Variants in SETD6 observed in about 807,000 individuals in gnomAD.
SETD6 encodes N-lysine methyltransferase SETD6.
In SETD6, 67 loss-of-function variants were observed where a neutral mutation model predicts 52.7. The ratio of observed to expected loss-of-function variants is 1.27; its 90% CI spans 1.04 to 1.56. The LOEUF is 1.56. SETD6 is among the 40% of genes most tolerant of loss of function. SETD6 has a pLI of 0.00. For missense variants in SETD6, 712 were observed against 607.5 expected (o/e 1.17, Z -1.81); for synonymous variants, 307 against 250.2 (o/e 1.23, Z -2.14).
Position 58,519,037 on chromosome 16 carries a change from CCT to C in SETD6, c.*9_*10del, listed in dbSNP as rs1379973672. ...TTGGAGCTGACAAGTTAGCAGTTTC[CCT>C]GTTCCCTGAAGGAACAGCAATAAGA... On this transcript the variant is annotated 3_prime_UTR_variant, in exon 8 of 8. Transcript: ENST00000219315. 2 of 1,601,774 alleles carry C rather than the reference CCT, an allele frequency of 1.2e-6. No homozygotes were observed. Among genetic ancestry groups the C allele is most frequent in the African/African-American group, 2.7e-5 (2 of 74,582 alleles).
At position 58,523,717 on chromosome 16, in the gene SETD6, TA is replaced by T. The variant is rs1454283788; in HGVS notation, c.*4693del. ...ATTAGATTTTAAAAATATTCATTTTTAAAAACAGACCCACTATGTGCTAATG... is the reference window on the plus strand; with the variant it reads ...ATTAGATTTTAAAAATATTCATTTTTAAAACAGACCCACTATGTGCTAATG... On this transcript the variant is annotated 3_prime_UTR_variant, in exon 8 of 8. Coordinates refer to ENST00000219315, the MANE Select transcript of SETD6 (RefSeq NM_001160305.4). 1 of 421,848 alleles carries T rather than the reference TA, an allele frequency of 2.4e-6. No individual in the cohort carries two copies. The highest frequency in any genetic ancestry group is 2.0e-5 in the African/African-American group (1 of 50,846). 26.1% of individuals were successfully genotyped at this position (421,848 alleles called of 1,614,324 possible). A position where few individuals can be genotyped will look rare whatever the true frequency, so the allele number is the denominator to read the frequency against.
Position 58,519,187 on chromosome 16 carries a change from G to T in SETD6, c.*158G>T. 4.4e-6 allele frequency: 3 copies of T among 682,868 alleles called. No homozygotes were observed. Among genetic ancestry groups the T allele is most frequent in the Non-Finnish European group, 7.2e-6 (3 of 416,052 alleles). The allele number at this position is 682,868 out of a possible 1,614,324, so 42.3% of individuals were successfully genotyped here. The stretch of plus-strand genomic sequence containing the variant: ...GGTGTGCTAGGATTAACTCAGGTAA[G>T]GGTGATGTGTTTTAGGATTGAGAAC... On this transcript the variant is annotated 3_prime_UTR_variant, in exon 8 of 8. Coordinates refer to ENST00000219315, the MANE Select transcript of SETD6 (RefSeq NM_001160305.4).
rs757255690 is a variant in SETD6, at chr16:58,518,815, C to T, written c.1208C>T (p.Thr403Ile). The change falls in exon 8 of 8, where the codon ACA becomes ATA. Residue 403 changes from threonine (T) to isoleucine (I), a missense_variant. By Grantham distance (89) the Thr-to-Ile change is moderately conservative. Coordinates refer to ENST00000219315, the MANE Select transcript of SETD6 (RefSeq NM_001160305.4). ...AGGGAAGAGGGCAGCCTGACGATCA[C>T]AAATATTCCCAAGCTCAAAGCATCG... is the stretch of plus-strand genomic sequence containing the variant. ...DKREEGSLTI[T>I]NIPKLKASWR... The T allele has an allele frequency of 6.2e-7, 1 of 1,614,164 alleles. No homozygotes were observed.
chr16:58,515,810 G>C lies in SETD6; in HGVS notation c.47G>C (p.Gly16Ala). 6.6e-7 allele frequency: 1 copy of C among 1,526,446 alleles called. No homozygotes were observed. Among genetic ancestry groups the C allele is most frequent in the Non-Finnish European group, 8.7e-7 (1 of 1,145,738 alleles). The allele number at this position is 1,526,446 out of a possible 1,614,324, so 94.6% of individuals were successfully genotyped here. A position where few individuals can be genotyped will look rare whatever the true frequency, so the allele number is the denominator to read the frequency against. Residue 16 changes from glycine (G) to alanine (A), a missense_variant, in exon 2 of 8, where the codon GGC (glycine) becomes GCC (alanine). By Grantham distance (60) the Gly-to-Ala change is moderately conservative. Coordinates refer to ENST00000219315, the MANE Select transcript of SETD6 (RefSeq NM_001160305.4). ...KRPRVAGPVD[G>A]GDLDPVACFL... The stretch of plus-strand genomic sequence containing the variant: ...TCTCAGGTGGCGGGGCCCGTGGACG[G>C]CGGCGACCTGGATCCTGTGGCCTGC...
chr16:58,516,433 G>A (rs773443920), intron 3 of SETD6, 45 bp from the exon 4 acceptor site: 1 of 1,613,168 alleles, frequency 6.2e-7, no homozygotes, highest in East Asian at 2.2e-5. Context: ...ACCCAGTAAA[G>A]TGTGTGAAGG....
Position 58,523,405 on chromosome 16 carries a change from C to T in SETD6, c.*4376C>T, listed in dbSNP as rs576713015. On this transcript the variant is annotated 3_prime_UTR_variant, in exon 8 of 8. Transcript: ENST00000219315. ...GTTCTTGGATGGCTTCCGTATTGGC[C>T]TCTGCAAAAAGGTACAGCATGGTGC... 7 of 1,613,614 alleles carry T rather than the reference C, an allele frequency of 4.3e-6. No individual in the cohort carries two copies. The highest frequency in any genetic ancestry group is 5.9e-6 in the Non-Finnish European group (7 of 1,179,786).
chr16:58,518,669 T>C (rs2039258734), intron 7 of SETD6, 55 bp from the exon 8 acceptor site: 1 of 1,596,558 alleles, frequency 6.3e-7, no homozygotes, highest in Admixed American at 1.8e-5. Context: ...TCCTGAGTCA[T>C]TTCAGAAGTA....
Position 58,521,055 on chromosome 16 carries a change from T to C in SETD6, c.*2026T>C. The C allele has an allele frequency of 6.2e-7, 1 of 1,614,122 alleles. No homozygotes were observed. The highest frequency in any genetic ancestry group is 8.5e-7 in the Non-Finnish European group (1 of 1,180,024). On this transcript the variant is annotated 3_prime_UTR_variant, in exon 8 of 8. Transcript: ENST00000219315. ...GAATAACCTGAAGGATGAAGACAGT[T>C]ACAAATCTCTGATTAAAGAGTAGGC...
rs898433625 is a variant in SETD6, at chr16:58,519,153, A to T, written c.*124A>T. On this transcript the variant is annotated 3_prime_UTR_variant, in exon 8 of 8. Coordinates refer to ENST00000219315, the MANE Select transcript of SETD6 (RefSeq NM_001160305.4). ...CTTACTAAACACCAAGAGGAAAAGT[A>T]GCAAAGTTGGTGTGCTAGGATTAAC... 4 of 1,006,576 alleles carry T rather than the reference A, an allele frequency of 4.0e-6. No individual in the cohort carries two copies. In the Admixed American group the frequency reaches 1.2e-4, roughly 29 times the overall value. The allele number at this position is 1,006,576 out of a possible 1,614,324, so 62.4% of individuals were successfully genotyped here. A position where few individuals can be genotyped will look rare whatever the true frequency, so the allele number is the denominator to read the frequency against.
At position 58,520,063 on chromosome 16, in the gene SETD6, A is replaced by AAAAC. The variant is rs765852116; in HGVS notation, c.*1036_*1039dup. The stretch of plus-strand genomic sequence containing the variant: ...ACAACACAGGGACCAATACATTTGC[A>AAAAC]AAACATTCAAAATCCTTATAAAAGG... On this transcript the variant is annotated 3_prime_UTR_variant, in exon 8 of 8. Coordinates refer to ENST00000219315, the MANE Select transcript of SETD6 (RefSeq NM_001160305.4). 1.3e-5 allele frequency: 2 copies of AAAAC among 152,266 alleles called. No individual in the cohort carries two copies. Among genetic ancestry groups the AAAAC allele is most frequent in the Non-Finnish European group, 2.9e-5 (2 of 68,054 alleles). 9.4% of individuals were successfully genotyped at this position (152,266 alleles called of 1,614,324 possible). A position where few individuals can be genotyped will look rare whatever the true frequency, so the allele number is the denominator to read the frequency against.
In SETD6 at chr16:58,516,691, T is replaced by C. The variant is rs374365976; in HGVS notation, c.671+19T>C. 12 of 1,610,968 alleles carry C rather than the reference T, an allele frequency of 7.4e-6. No individual in the cohort carries two copies. In the African/African-American group the frequency reaches 1.5e-4, roughly 20 times the overall value. ...CCTATAGGTCAGTGGGTGGGGCCTC[T>C]GAGGACGGAACCCTTTTCTTTACAA... is the stretch of plus-strand genomic sequence containing the variant. On this transcript the variant is annotated intron_variant, in intron 4 of 7. Transcript: ENST00000219315.
rs1174926730 is a variant in SETD6 at position 58,518,854 on chromosome 16, T to C, written c.1247T>C (p.Leu416Pro). The change falls in exon 8 of 8, where the codon CTT becomes CCT. Residue 416 changes from leucine to proline, a missense_variant. Coordinates refer to ENST00000219315, the MANE Select transcript of SETD6 (RefSeq NM_001160305.4). ...CTCAAAGCATCGTGGAGACAGCTGC[T>C]TCAAAACAGTGTTCTACTGACTTTG... Reference protein sequence around the residue: ...PKLKASWRQLLQNSVLLTLQT... With the variant: ...PKLKASWRQLPQNSVLLTLQT... The C allele has an allele frequency of 6.2e-7, 1 of 1,614,188 alleles. No homozygotes were observed. Among genetic ancestry groups the C allele is most frequent in the African/African-American group, 1.3e-5 (1 of 75,044 alleles).
chr16:58,519,665 C>T lies in SETD6; in HGVS notation c.*636C>T, dbSNP rs1014769475. On this transcript the variant is annotated 3_prime_UTR_variant, in exon 8 of 8. Coordinates refer to ENST00000219315, the MANE Select transcript of SETD6 (RefSeq NM_001160305.4). ...TTTCTTTAAAAAAAAAAAAAAAATACCTGGGGGAAAAGGATATTAAAACTG... is the reference window on the plus strand; with the variant it reads ...TTTCTTTAAAAAAAAAAAAAAAATATCTGGGGGAAAAGGATATTAAAACTG... The T allele has an allele frequency of 6.6e-6, 1 of 150,480 alleles. No homozygotes were observed. The highest frequency in any genetic ancestry group is 2.4e-5 in the African/African-American group (1 of 40,966). 9.3% of individuals were successfully genotyped at this position (150,480 alleles called of 1,614,324 possible).
chr16:58,521,513 C>T lies in SETD6; in HGVS notation c.*2484C>T, dbSNP rs1029227235. On this transcript the variant is annotated 3_prime_UTR_variant, in exon 8 of 8. Transcript: ENST00000219315. ...CCTGGGTTTGAACCCTGCTCTTAGC[C>T]GTAGAAGACTAAGTATTTATATAAA... Among the ~76,000 whole-genome samples, 4 of 152,094 alleles carry T rather than the reference C, an allele frequency of 2.6e-5. No individual in the cohort carries two copies. Among genetic ancestry groups the T allele is most frequent in the Admixed American group, 1.3e-4 (2 of 15,272 alleles).
intron 5 of SETD6, chr16:58,517,264 A>G (rs2039198164): frequency 2.7e-6 from 1 of 364,612 alleles, no homozygotes; most frequent in Admixed American, 3.7e-5. Context: ...TGGAACAGTG[A>G]TAGTCTCCGT....
In SETD6 at chr16:58,521,753, A is replaced by C. The variant is rs1261716942; in HGVS notation, c.*2724A>C. Among the ~76,000 whole-genome samples the C allele has an allele frequency of 6.6e-6, 1 of 151,982 alleles. No homozygotes were observed. The highest frequency in any genetic ancestry group is 1.5e-5 in the Non-Finnish European group (1 of 68,002). ...GATCACCTGAGGTCAGGAGTTCGAG[A>C]CCAGCCTGGCCAACATGGTGAAACC... On this transcript the variant is annotated 3_prime_UTR_variant, in exon 8 of 8. Coordinates refer to ENST00000219315, the MANE Select transcript of SETD6 (RefSeq NM_001160305.4).
chr16:58,515,830 G>T lies in SETD6; in HGVS notation c.67G>T (p.Ala23Ser), dbSNP rs769909204. 8.4e-6 allele frequency: 13 copies of T among 1,539,226 alleles called. No individual in the cohort carries two copies. In the South Asian group the frequency reaches 1.2e-4, roughly 14 times the overall value. ...PVDGGDLDPV[A>S]CFLSWCRRVG... is the part of the protein sequence containing the mutation. ...GGACGGCGGCGACCTGGATCCTGTG[G>T]CCTGCTTCCTGAGCTGGTGCCGGCG... The change falls in exon 2 of 8, where the codon GCC (alanine) becomes TCC (serine). Residue 23 changes from alanine to serine, a missense_variant. By Grantham distance (99) the Ala-to-Ser change is moderately conservative. Coordinates refer to ENST00000219315, the MANE Select transcript of SETD6 (RefSeq NM_001160305.4).
chr16:58,516,994 T>G, intron 5 of SETD6, 66 bp downstream of exon 5: 1 of 1,612,252 alleles, frequency 6.2e-7, no homozygotes. Flanking sequence ...TAGGCTCCAT[T>G]CTCTTACTAG....
At chr16:58,516,146 G>GGGCGT (rs1291083381) in intron 2 of SETD6, 49 bp downstream of exon 2, 52 of 1,290,720 alleles carry the variant, frequency 4.0e-5, no homozygotes, top group Non-Finnish European at 4.7e-5. Flanking sequence ...GGGCGGGGCG[G>GGGCGT]GGCGGGCCCG....
Sources: allele counts gnomAD v4.1 joint callset (sites outside exome capture counted in the v4.1 genomes callset), GRCh38; gene constraint gnomAD v4.1.1; transcripts MANE v1.5; gene names NCBI Gene and HGNC (gene_info 2026-07-23, HGNC 2026-07-21).